Variants in ACVR1C observed in about 807,000 individuals in gnomAD.
ACVR1C encodes activin A receptor type 1C.
A neutral mutation model predicts 57.9 loss-of-function variants in ACVR1C; 23 were observed. The ratio of observed to expected loss-of-function variants is 0.40; its 90% CI spans 0.29 to 0.56. The LOEUF is 0.56. Ranked by LOEUF, ACVR1C falls within the 20% of genes least tolerant of loss-of-function variation. The pLI is 0.50. For missense variants in ACVR1C, 480 were observed against 607.9 expected (o/e 0.79, Z 2.21); for synonymous variants, 214 against 215.3 (o/e 0.99, Z 0.05).
intron 1 of ACVR1C, among the ~76,000 whole-genome samples, chr2:157,616,334 G>C (rs1317570315): frequency 1.3e-5 from 2 of 152,024 alleles, no homozygotes; most frequent in Non-Finnish European, 2.9e-5. Context: ...CTTTGGCTGT[G>C]TCAGGTCAAT....
At chr2:157,609,587 T>C (rs1211424996) in intron 1 of ACVR1C, among the ~76,000 whole-genome samples, 1 of 152,068 alleles carries the variant, frequency 6.6e-6, no homozygotes, top group South Asian at 2.1e-4. Context: ...CCCACTATTA[T>C]TGTATTGCAG....
chr2:157,550,120 A>G, intron 4 of ACVR1C, 42 bp downstream of exon 4: 1 of 1,580,582 alleles, frequency 6.3e-7, no homozygotes, highest in East Asian at 2.2e-5. Context: ...CTCGCTCTAG[A>G]CAGCATTTTT....
At position 157,587,329 on chromosome 2, in the gene ACVR1C, A is replaced by G. The variant is rs1243156963; in HGVS notation, c.162T>C (p.Asn54=). The change falls in exon 2 of 9, where the codon AAT becomes AAC. Residue 54 remains asparagine (N), a synonymous_variant. Transcript: ENST00000243349. The part of the protein sequence containing the change: ...GACWASVMLT[N]GKEQVIKSCV... ...AGGATTTGATCACCTGCTCTTTTCC[A>G]TTGGTTAGCATGACTGATGCCCAAC... 1.2e-6 allele frequency: 2 copies of G among 1,613,700 alleles called. No individual in the cohort carries two copies. The highest frequency in any genetic ancestry group is 2.2e-5 in the South Asian group (2 of 91,080).
chr2:157,606,677 G>A (rs1158175663), intron 1 of ACVR1C, among the ~76,000 whole-genome samples: 1 of 151,106 alleles, frequency 6.6e-6, no homozygotes, highest in Non-Finnish European at 1.5e-5. Context: ...TTTTACTGTT[G>A]AGTTTTGGTT....
chr2:157,582,994 G>A (rs567466953), intron 2 of ACVR1C, among the ~76,000 whole-genome samples: 30 of 152,046 alleles, frequency 2.0e-4, no homozygotes, highest in African/African-American at 6.8e-4. Context: ...CAATTCTCCC[G>A]CCTCAGCCTC....
rs1573902536 is a variant in ACVR1C at position 157,538,562 on chromosome 2, C to T, written c.1356+11G>A. ...ATAATAAGAAAAATATAGATAAAAACATGGCCTTACTTCACAACTTTGCCA... is the reference window on the plus strand; with the variant it reads ...ATAATAAGAAAAATATAGATAAAAATATGGCCTTACTTCACAACTTTGCCA... On this transcript the variant is annotated intron_variant, in intron 8 of 8. Transcript: ENST00000243349. The T allele has an allele frequency of 2.6e-6, 4 of 1,545,792 alleles. No homozygotes were observed. Among genetic ancestry groups the T allele is most frequent in the Non-Finnish European group, 3.5e-6 (4 of 1,153,282 alleles).
intron 1 of ACVR1C, among the ~76,000 whole-genome samples, chr2:157,610,778 C>T (rs751562840): frequency 7.9e-5 from 12 of 151,848 alleles, no homozygotes; most frequent in East Asian, 5.8e-4. Context: ...TTTTGAAAGA[C>T]GTGTCTTCAA....
rs1049373552 is a variant in ACVR1C, at chr2:157,528,923, G to T, written c.*4995C>A. The T allele has an allele frequency of 6.6e-6, 1 of 152,166 alleles. No homozygotes were observed. Among genetic ancestry groups the T allele is most frequent in the Admixed American group, 6.5e-5 (1 of 15,270 alleles). The allele number at this position is 152,166 out of a possible 1,614,324, so 9.4% of individuals were successfully genotyped here. On this transcript the variant is annotated 3_prime_UTR_variant, in exon 9 of 9. Transcript: ENST00000243349. ...TTAAAATCTTGTTAAGAAGTTCATT[G>T]TGTAGAAGTTTGGACAGGTTAAACG...
chr2:157,606,904 T>G (rs952606054), intron 1 of ACVR1C, among the ~76,000 whole-genome samples: 2 of 151,704 alleles, frequency 1.3e-5, no homozygotes, highest in African/African-American at 4.8e-5. Context: ...TGTCATGAAG[T>G]GTTTCCCCTG....
intron 2 of ACVR1C, 40 bp from the exon 3 acceptor site, chr2:157,556,372 C>A (rs1688100804): frequency 1.2e-6 from 2 of 1,600,138 alleles, no homozygotes; most frequent in African/African-American, 1.3e-5. Context: ...ATAAATCAAA[C>A]CATTTTAAGT....
chr2:157,553,463 C>G (rs941917616), intron 3 of ACVR1C, among the ~76,000 whole-genome samples: 6 of 151,674 alleles, frequency 4.0e-5, no homozygotes, highest in African/African-American at 1.2e-4. Context: ...ATCAGTAATT[C>G]CAGATTTAGG....
At chr2:157,599,162 G>T (rs1191264384) in intron 1 of ACVR1C, among the ~76,000 whole-genome samples, 3 of 151,338 alleles carry the variant, frequency 2.0e-5, no homozygotes, top group African/African-American at 7.3e-5. Context: ...GTGAAACCCC[G>T]TCTCCACTAA....
chr2:157,610,269 G>A (rs912047476), intron 1 of ACVR1C, among the ~76,000 whole-genome samples: 1 of 152,040 alleles, frequency 6.6e-6, no homozygotes, highest in Non-Finnish European at 1.5e-5. Flanking sequence ...GCTTATCTAA[G>A]AAGGACTTTA....
intron 1 of ACVR1C, among the ~76,000 whole-genome samples, chr2:157,602,473 G>A (rs1682301303): frequency 6.6e-6 from 1 of 152,102 alleles, no homozygotes; most frequent in Non-Finnish European, 1.5e-5. Context: ...GTATAAGTTG[G>A]TACAAACTTT....
intron 1 of ACVR1C, among the ~76,000 whole-genome samples, chr2:157,615,807 A>C (rs1049043280): frequency 9.2e-5 from 14 of 152,250 alleles, no homozygotes; most frequent in African/African-American, 2.9e-4. Context: ...AAAAATTAAA[A>C]AAAATAAAGT....
At chr2:157,576,671 G>A (rs957892639) in intron 2 of ACVR1C, among the ~76,000 whole-genome samples, 1 of 152,004 alleles carries the variant, frequency 6.6e-6, no homozygotes, top group Non-Finnish European at 1.5e-5. Flanking sequence ...AGAATGGCTT[G>A]TACTTTTCCT....
At chr2:157,581,477 C>A (rs1186624814) in intron 2 of ACVR1C, among the ~76,000 whole-genome samples, 1 of 151,998 alleles carries the variant, frequency 6.6e-6, no homozygotes, top group Non-Finnish European at 1.5e-5. Context: ...GGATACACAC[C>A]TACTAGGGGG....
At chr2:157,600,973 T>C (rs1412115879) in intron 1 of ACVR1C, among the ~76,000 whole-genome samples, 1 of 152,114 alleles carries the variant, frequency 6.6e-6, no homozygotes, top group African/African-American at 2.4e-5. Flanking sequence ...CCATAATGCT[T>C]TTTAAAAATA....
At chr2:157,534,980 AC>A (rs1310762133) in intron 8 of ACVR1C, among the ~76,000 whole-genome samples, 8 of 151,900 alleles carry the variant, frequency 5.3e-5, no homozygotes, top group African/African-American at 1.9e-4. Flanking sequence ...ACACAGGGAG[AC>A]CCTGTCTCTA....
Sources: gnomAD v4.1 joint callset for allele counts (sites outside exome capture counted in the v4.1 genomes callset) on GRCh38, gnomAD v4.1.1 for gene constraint, MANE v1.5 for transcripts, NCBI Gene and HGNC (gene_info 2026-07-23, HGNC 2026-07-21) for gene names.